Variants in STK39 observed in about 807,000 individuals in gnomAD.
The protein encoded by STK39 is STE20/SPS1-related proline-alanine-rich protein kinase.
STK39 carries 20 observed loss-of-function variants against 77.8 expected under a neutral mutation model. The ratio of observed to expected loss-of-function variants is 0.26; its 90% CI spans 0.18 to 0.37. The LOEUF (loss-of-function observed/expected upper bound fraction) is 0.37, where lower values mean the gene tolerates loss of function less well. Ranked by LOEUF, STK39 falls within the 10% of genes least tolerant of loss-of-function variation. STK39 has a pLI of 1.00. For synonymous variants in STK39, 246 were observed against 234.1 expected (o/e 1.05, Z -0.47); for missense variants, 479 against 656.5 (o/e 0.73, Z 2.95).
intron 10 of STK39, among the ~76,000 whole-genome samples, chr2:168,112,664 T>C (rs1687150080): frequency 6.6e-6 from 1 of 152,204 alleles, no homozygotes; most frequent in Non-Finnish European, 1.5e-5. Context: ...ACAACCCCTA[T>C]ATTCAAAATT....
intron 2 of STK39, among the ~76,000 whole-genome samples, chr2:168,176,337 A>AC (rs1559133906): frequency 6.6e-6 from 1 of 151,498 alleles, no homozygotes; most frequent in Non-Finnish European, 1.5e-5. Context: ...GAAAAAAAAA[A>AC]CCTTCTGACT....
chr2:168,191,829 T>C (rs1374118304), intron 1 of STK39, among the ~76,000 whole-genome samples: 21 of 152,116 alleles, frequency 1.4e-4, no homozygotes, highest in Admixed American at 1.3e-3. Context: ...TGCTAGAGAA[T>C]GGAAAAGACT....
At chr2:168,027,590 A>T (rs191388021) in intron 14 of STK39, among the ~76,000 whole-genome samples, 1 of 152,340 alleles carries the variant, frequency 6.6e-6, no homozygotes, top group East Asian at 1.9e-4. Flanking sequence ...ACACATACAC[A>T]TGTATGTACA....
intron 1 of STK39, among the ~76,000 whole-genome samples, chr2:168,238,579 A>G (rs1690679074): frequency 6.6e-6 from 1 of 152,246 alleles, no homozygotes; most frequent in Non-Finnish European, 1.5e-5. Context: ...CTCAATGTCC[A>G]AGAAGTTTCT....
intron 12 of STK39, among the ~76,000 whole-genome samples, chr2:168,068,091 T>C (rs115880073): frequency 0.021 from 3,129 of 152,186 alleles, 113 homozygotes; most frequent in African/African-American, 0.072. Flanking sequence ...GAGAACAGTA[T>C]AGGAAAACCT....
chr2:168,129,380 GATA>G (rs1428744469), intron 10 of STK39, among the ~76,000 whole-genome samples, 158 bp downstream of exon 10: 5 of 152,174 alleles, frequency 3.3e-5, no homozygotes, highest in Non-Finnish European at 7.3e-5. Context: ...AACCAGCTGA[GATA>G]ACGAAAAGGC....
At chr2:167,961,287 T>C (rs1308286285) in intron 17 of STK39, among the ~76,000 whole-genome samples, 1 of 152,178 alleles carries the variant, frequency 6.6e-6, no homozygotes, top group African/African-American at 2.4e-5. Context: ...ACTGTGAAAA[T>C]GCTTATGAAA....
At chr2:168,200,212 A>C (rs4668046) in intron 1 of STK39, among the ~76,000 whole-genome samples, 4 of 151,990 alleles carry the variant, frequency 2.6e-5, no homozygotes, top group African/African-American at 9.7e-5. Context: ...GAAAGGCTAC[A>C]AGTGATTAGA....
At chr2:168,232,844 G>A (rs947092814) in intron 1 of STK39, among the ~76,000 whole-genome samples, 2 of 151,984 alleles carry the variant, frequency 1.3e-5, no homozygotes, top group Non-Finnish European at 2.9e-5. Flanking sequence ...CCCAGGAGGC[G>A]GAGGTTGCAG....
intron 16 of STK39, among the ~76,000 whole-genome samples, chr2:167,987,499 A>G (rs1683591032): frequency 6.6e-6 from 1 of 152,176 alleles, no homozygotes; most frequent in Admixed American, 6.5e-5. Flanking sequence ...ATATATATAT[A>G]TAATACTTCT....
At chr2:168,172,950 C>T (rs1048137627) in intron 2 of STK39, among the ~76,000 whole-genome samples, 14 of 152,164 alleles carry the variant, frequency 9.2e-5, no homozygotes, top group African/African-American at 2.2e-4. Context: ...ATACCCACAC[C>T]TGAGTCCCGG....
intron 5 of STK39, among the ~76,000 whole-genome samples, chr2:168,159,073 A>T (rs1400643): frequency 6.6e-6 from 1 of 151,898 alleles, no homozygotes; most frequent in Non-Finnish European, 1.5e-5. Context: ...CTAAAAAAAA[A>T]CAAAAATCAT....
chr2:167,979,409 C>T (rs1683360307), intron 16 of STK39, among the ~76,000 whole-genome samples: 1 of 152,174 alleles, frequency 6.6e-6, no homozygotes, highest in Non-Finnish European at 1.5e-5. Context: ...AATAAGTTTA[C>T]TTTGCATTTC....
Position 168,167,284 on chromosome 2 carries a change from A to G in STK39, c.430+15T>C, listed in dbSNP as rs1051463840. The G allele has an allele frequency of 2.5e-6, 4 of 1,607,880 alleles. No individual in the cohort carries two copies. The highest frequency in any genetic ancestry group is 3.4e-6 in the Non-Finnish European group (4 of 1,174,700). ...GAAAACAAGCAAATAAATAACAACA[A>G]CAAAATCCACTTACCTCCACTTAGT... On this transcript the variant is annotated intron_variant, in intron 3 of 17. Coordinates refer to ENST00000355999, the MANE Select transcript of STK39 (RefSeq NM_013233.3).
intron 14 of STK39, among the ~76,000 whole-genome samples, chr2:168,052,509 T>C (rs759360116): frequency 1.4e-4 from 22 of 152,352 alleles, no homozygotes; most frequent in Non-Finnish European, 4.4e-5. Context: ...TCTGTATATG[T>C]TTCCACCACA....
chr2:168,045,444 CAATTT>C (rs1277136381), intron 14 of STK39, among the ~76,000 whole-genome samples: 3 of 151,768 alleles, frequency 2.0e-5, no homozygotes, highest in Non-Finnish European at 4.4e-5. Context: ...CCATTATTCT[CAATTT>C]AATTTATTTG....
At chr2:167,968,001 G>A (rs115820676) in intron 16 of STK39, among the ~76,000 whole-genome samples, 5,619 of 150,758 alleles carry the variant, frequency 0.037, 366 homozygotes, top group African/African-American at 0.13. Flanking sequence ...GTATCCATGT[G>A]TACTCAATGT....
intron 1 of STK39, among the ~76,000 whole-genome samples, chr2:168,209,508 C>A (rs1227667539): frequency 6.6e-6 from 1 of 151,654 alleles, no homozygotes; most frequent in Admixed American, 6.6e-5. Context: ...GAAACCCCAT[C>A]TCTACTAAAA....
intron 1 of STK39, among the ~76,000 whole-genome samples, chr2:168,184,075 A>T (rs1689147432): frequency 6.6e-6 from 1 of 152,192 alleles, no homozygotes; most frequent in Non-Finnish European, 1.5e-5. Context: ...CTTAATCTAC[A>T]TTCCAGAACA....
Sources: gnomAD v4.1 joint callset for allele counts (sites outside exome capture counted in the v4.1 genomes callset) on GRCh38, gnomAD v4.1.1 for gene constraint, MANE v1.5 for transcripts, NCBI Gene and HGNC (gene_info 2026-07-23, HGNC 2026-07-21) for gene names.